The following DOCK5 variants were observed in gnomAD, a reference collection of about 807,000 sequenced individuals.
DOCK5 encodes the protein dedicator of cytokinesis 5, also known as dedicator of cytokinesis protein 5.
DOCK5 carries 142 observed loss-of-function variants against 251.8 expected under a neutral mutation model. The ratio of observed to expected loss-of-function variants is 0.56; its 90% CI spans 0.49 to 0.65. The LOEUF is 0.65. Ranked by LOEUF, DOCK5 falls within the 30% of genes least tolerant of loss-of-function variation. DOCK5 has a pLI of 0.00. For missense variants in DOCK5, 2,111 were observed against 2,312.3 expected (o/e 0.91, Z 1.79); for synonymous variants, 842 against 835.5 (o/e 1.01, Z -0.13).
At chr8:25,282,849 C>CA (rs56687628) in intron 5 of DOCK5, among the ~76,000 whole-genome samples, 402 of 39,594 alleles carry the variant, frequency 0.01, 42 homozygotes, top group African/African-American at 0.033. Context: ...GACCCTTTCT[C>CA]AAAAAAAAAA....
intron 1 of DOCK5, among the ~76,000 whole-genome samples, chr8:25,187,853 C>G (rs1209167734): frequency 6.6e-6 from 1 of 152,146 alleles, no homozygotes; most frequent in Non-Finnish European, 1.5e-5. Flanking sequence ...CTGCCTCAGA[C>G]AGCTCACCTT....
At chr8:25,405,308 A>G (rs1430290709) in intron 48 of DOCK5, among the ~76,000 whole-genome samples, 1 of 151,726 alleles carries the variant, frequency 6.6e-6, no homozygotes, top group East Asian at 1.9e-4. Flanking sequence ...CACTATTTAC[A>G]ATTTTGTCTG....
At chr8:25,348,230 C>A (rs748233255) in intron 26 of DOCK5, among the ~76,000 whole-genome samples, 1 of 152,114 alleles carries the variant, frequency 6.6e-6, no homozygotes, top group Non-Finnish European at 1.5e-5. Flanking sequence ...TTGCAGGATT[C>A]CCTCCTCTCC....
chr8:25,279,553 G>T (rs975920916), intron 5 of DOCK5, among the ~76,000 whole-genome samples: 24 of 151,250 alleles, frequency 1.6e-4, no homozygotes, highest in Middle Eastern at 6.8e-3. Flanking sequence ...TGCAAGCTCC[G>T]CCTCTTGGGT....
intron 2 of DOCK5, among the ~76,000 whole-genome samples, chr8:25,267,432 A>G (rs1284808304): frequency 6.6e-6 from 1 of 152,206 alleles, no homozygotes; most frequent in Non-Finnish European, 1.5e-5. Context: ...CCCAAAGAAG[A>G]TAAGTTCAGT....
rs111334515 is a variant in DOCK5 at position 25,327,949 on chromosome 8, C to CGT, written c.1903+2417_1903+2418dup. Among the ~76,000 whole-genome samples, 1,197 of 151,202 alleles carry CGT rather than the reference C, an allele frequency of 7.9e-3. 15 individuals carry two copies. Among genetic ancestry groups the CGT allele is most frequent in the African/African-American group, 0.027 (1,113 of 41,264 alleles). On this transcript the variant is annotated intron_variant, in intron 18 of 51. Transcript: ENST00000276440. ...TAATTACCTTGATTTACCCTTCTAC[C>CGT]GTGTGTGTGTGTGTGTCAGAACATC... is the stretch of plus-strand genomic sequence containing the variant.
intron 13 of DOCK5, among the ~76,000 whole-genome samples, chr8:25,316,695 T>G (rs932669507): frequency 2.6e-5 from 4 of 152,198 alleles, no homozygotes; most frequent in Non-Finnish European, 4.4e-5. Flanking sequence ...AAGGCACTAT[T>G]GAAAAACCGT....
chr8:25,382,614 T>C (rs574934773), intron 39 of DOCK5, 60 bp from the exon 40 acceptor site: 10 of 1,375,202 alleles, frequency 7.3e-6, no homozygotes, highest in Non-Finnish European at 1.0e-5. Context: ...GTCTGACTTT[T>C]TTTTTCCCCC....
intron 20 of DOCK5, 88 bp downstream of exon 20, chr8:25,332,780 C>A: frequency 4.2e-6 from 4 of 944,818 alleles, no homozygotes; most frequent in Non-Finnish European, 3.1e-6. Flanking sequence ...GTGTGAATAT[C>A]TTCTCACATA....
chr8:25,384,431 T>TTTTATTTATTTA (rs200273148), intron 40 of DOCK5, among the ~76,000 whole-genome samples: 11 of 132,762 alleles, frequency 8.3e-5, no homozygotes, highest in African/African-American at 1.6e-4. Flanking sequence ...AATATTATTA[T>TTTTATTTATTTA]TTTATTTATT....
intron 38 of DOCK5, among the ~76,000 whole-genome samples, chr8:25,379,741 C>T (rs1264662362): frequency 6.6e-6 from 1 of 152,148 alleles, no homozygotes; most frequent in Non-Finnish European, 1.5e-5. Flanking sequence ...TTATGTTCCT[C>T]TGCCGCAGCT....
At chr8:25,261,950 C>A (rs1442777601) in intron 2 of DOCK5, among the ~76,000 whole-genome samples, 1 of 152,082 alleles carries the variant, frequency 6.6e-6, no homozygotes, top group African/African-American at 2.4e-5. Flanking sequence ...TGTGTATTGC[C>A]AGGTATAACT....
At chr8:25,326,109 T>C (rs1437905552) in intron 18 of DOCK5, among the ~76,000 whole-genome samples, 3 of 152,210 alleles carry the variant, frequency 2.0e-5, no homozygotes, top group African/African-American at 7.2e-5. Flanking sequence ...TTTTAACCTC[T>C]CTTGTGTAGA....
intron 5 of DOCK5, among the ~76,000 whole-genome samples, chr8:25,291,254 A>G (rs193122187): frequency 1.4e-4 from 21 of 152,310 alleles, no homozygotes; most frequent in Admixed American, 6.5e-4. Flanking sequence ...TTACCCTACA[A>G]TCACCAGTTT....
intron 11 of DOCK5, chr8:25,305,263 A>G (rs1298960706): frequency 6.6e-6 from 1 of 151,804 alleles, no homozygotes; most frequent in Non-Finnish European, 1.5e-5. Context: ...AAATGATATC[A>G]CAAATTAGTG....
chr8:25,296,253 A>G (rs1054622008), intron 6 of DOCK5, among the ~76,000 whole-genome samples: 4 of 152,216 alleles, frequency 2.6e-5, no homozygotes, highest in African/African-American at 9.6e-5. Context: ...ATCAGTGCCA[A>G]TTTTACTTTT....
chr8:25,410,978 C>T (rs2321245), intron 51 of DOCK5, among the ~76,000 whole-genome samples: 24,274 of 100,138 alleles, frequency 0.24, 2,673 homozygotes, highest in South Asian at 0.31. Flanking sequence ...TGTGTGCGCG[C>T]GCGCGCACGC....
intron 45 of DOCK5, among the ~76,000 whole-genome samples, chr8:25,398,061 C>T (rs550576404): frequency 6.6e-6 from 1 of 152,212 alleles, no homozygotes; most frequent in East Asian, 1.9e-4. Flanking sequence ...CTTTATTCAT[C>T]GCCAAAATGA....
intron 13 of DOCK5, among the ~76,000 whole-genome samples, chr8:25,314,158 T>G (rs1186940167): frequency 7.1e-6 from 1 of 140,272 alleles, no homozygotes; most frequent in African/African-American, 2.6e-5. Flanking sequence ...TAGCGCAGGC[T>G]GGAGTATAGT....
Sources: gnomAD v4.1 joint callset for allele counts (sites outside exome capture counted in the v4.1 genomes callset) on GRCh38, gnomAD v4.1.1 for gene constraint, MANE v1.5 for transcripts, NCBI Gene and HGNC (gene_info 2026-07-23, HGNC 2026-07-21) for gene names.